Variants in COL26A1 observed in about 807,000 individuals in gnomAD.
COL26A1 encodes collagen alpha-1(XXVI) chain.
Under a neutral mutation model 59.3 loss-of-function variants are expected in COL26A1, and 41 were observed. The observed-to-expected ratio is 0.69, with a 90% CI of 0.54 to 0.90. The LOEUF is 0.90. Among genes scored for constraint, COL26A1 ranks in the 40% least tolerant of loss-of-function variants. The pLI is 0.00. For missense variants in COL26A1, 612 were observed against 602.3 expected (o/e 1.02, Z -0.17); for synonymous variants, 266 against 256.0 (o/e 1.04, Z -0.37).
chr7:101,488,331 C>A (rs1214863630), intron 3 of COL26A1, among the ~76,000 whole-genome samples: 2 of 136,950 alleles, frequency 1.5e-5, no homozygotes, highest in Non-Finnish European at 3.0e-5. Flanking sequence ...ACATTTTAAT[C>A]CGTTTTTAAT....
At chr7:101,381,745 A>G (rs565977048) in intron 1 of COL26A1, among the ~76,000 whole-genome samples, 48 of 152,340 alleles carry the variant, frequency 3.2e-4, no homozygotes, top group African/African-American at 1.1e-3. Context: ...TTAAGTTTCT[A>G]ATGTGTGCTT....
At chr7:101,454,528 G>T (rs1793423405) in intron 3 of COL26A1, among the ~76,000 whole-genome samples, 1 of 151,916 alleles carries the variant, frequency 6.6e-6, no homozygotes, top group Non-Finnish European at 1.5e-5. Context: ...CAAAGTGCTG[G>T]GATTACAGGG....
intron 3 of COL26A1, among the ~76,000 whole-genome samples, chr7:101,528,406 T>C (rs1046601693): frequency 1.3e-5 from 2 of 152,050 alleles, no homozygotes; most frequent in Non-Finnish European, 2.9e-5. Context: ...CTGTCATTTG[T>C]AACTTCCCCA....
At chr7:101,503,242 G>A (rs148277443) in intron 3 of COL26A1, among the ~76,000 whole-genome samples, 107 of 152,254 alleles carry the variant, frequency 7.0e-4, no homozygotes, top group Non-Finnish European at 1.2e-3. Context: ...ACAACAGGAC[G>A]GTCACCACCT....
chr7:101,454,591 A>G (rs1201400735), intron 3 of COL26A1, among the ~76,000 whole-genome samples: 1 of 151,978 alleles, frequency 6.6e-6, no homozygotes, highest in African/African-American at 2.4e-5. Flanking sequence ...TTAGTACCAT[A>G]GTTTTTGCAT....
intron 11 of COL26A1, among the ~76,000 whole-genome samples, chr7:101,555,539 T>C (rs1795953419): frequency 6.6e-6 from 1 of 152,148 alleles, no homozygotes; most frequent in African/African-American, 2.4e-5. Flanking sequence ...TTTGCCAGGC[T>C]GTGTGGCCGT....
At chr7:101,419,424 A>G (rs886252044) in intron 1 of COL26A1, among the ~76,000 whole-genome samples, 1 of 151,798 alleles carries the variant, frequency 6.6e-6, no homozygotes, top group African/African-American at 2.4e-5. Flanking sequence ...GCCACTTCCC[A>G]TTGCAGGCAA....
intron 3 of COL26A1, among the ~76,000 whole-genome samples, chr7:101,479,505 G>C (rs777557833): frequency 3.3e-5 from 5 of 152,142 alleles, no homozygotes; most frequent in Admixed American, 6.6e-5. Flanking sequence ...GGTGTCTTTG[G>C]AGGTAATTCA....
chr7:101,427,228 A>C (rs1034450810), intron 2 of COL26A1, among the ~76,000 whole-genome samples: 4 of 152,154 alleles, frequency 2.6e-5, no homozygotes, highest in African/African-American at 9.7e-5. Flanking sequence ...TGGCTAATTA[A>C]AAAATTTTGT....
intron 3 of COL26A1, among the ~76,000 whole-genome samples, chr7:101,481,554 G>A (rs1186300053): frequency 6.6e-6 from 1 of 151,626 alleles, no homozygotes; most frequent in African/African-American, 2.4e-5. Flanking sequence ...GTGCTCAAGC[G>A]ATCCTCCCTG....
chr7:101,438,918 T>A (rs927038805), intron 2 of COL26A1, among the ~76,000 whole-genome samples: 8 of 152,094 alleles, frequency 5.3e-5, no homozygotes, highest in African/African-American at 1.9e-4. Flanking sequence ...TCCAAGACGA[T>A]CCACCCGTCT....
intron 2 of COL26A1, among the ~76,000 whole-genome samples, chr7:101,434,358 G>A (rs1792863730): frequency 6.6e-6 from 1 of 151,562 alleles, no homozygotes; most frequent in Non-Finnish European, 1.5e-5. Context: ...GTCTCCAGTG[G>A]TCCTCCCATC....
At position 101,525,597 on chromosome 7, in the gene COL26A1, A is replaced by C. The variant is rs553084471; in HGVS notation, c.386-7485A>C. On this transcript the variant is annotated intron_variant, in intron 3 of 12. Transcript: ENST00000313669. ...CTGCAAGCTCCGCCTCCCGGGTTCA[A>C]GCAATTCTCCTGCCTCAGCCTCCTG... Among the ~76,000 whole-genome samples, 26 of 151,526 alleles carry C rather than the reference A, an allele frequency of 1.7e-4. No homozygotes were observed. The East Asian group carries it at 4.5e-3, about 26-fold the overall frequency.
intron 3 of COL26A1, among the ~76,000 whole-genome samples, chr7:101,500,884 T>C (rs1455571669): frequency 6.6e-6 from 1 of 151,390 alleles, no homozygotes; most frequent in Non-Finnish European, 1.5e-5. Context: ...TAAATGAGGT[T>C]GTTAGAAATG....
At chr7:101,401,037 C>T (rs770839988) in intron 1 of COL26A1, among the ~76,000 whole-genome samples, 16 of 152,120 alleles carry the variant, frequency 1.1e-4, no homozygotes, top group Non-Finnish European at 2.1e-4. Flanking sequence ...AGGTGTGTCC[C>T]GTGTGAGGCT....
intron 1 of COL26A1, among the ~76,000 whole-genome samples, chr7:101,380,015 G>A (rs572643796): frequency 6.6e-6 from 1 of 152,066 alleles, no homozygotes; most frequent in African/African-American, 2.4e-5. Context: ...TTTTTGAGAC[G>A]GAGTCTCACT....
intron 2 of COL26A1, among the ~76,000 whole-genome samples, chr7:101,431,966 A>AC (rs1554409824): frequency 7.5e-6 from 1 of 133,604 alleles, no homozygotes; most frequent in Non-Finnish European, 1.6e-5. Flanking sequence ...TAATTTTATA[A>AC]TTTTTTTTTT....
chr7:101,432,953 C>T (rs540451680), intron 2 of COL26A1, among the ~76,000 whole-genome samples: 5 of 152,242 alleles, frequency 3.3e-5, no homozygotes, highest in Admixed American at 6.5e-5. Flanking sequence ...CCACCCGCCT[C>T]GGCCTCCCAA....
At position 101,401,887 on chromosome 7, in the gene COL26A1, G is replaced by A. The variant is rs924017147; in HGVS notation, c.159-18090G>A. Among the ~76,000 whole-genome samples, 8 of 152,232 alleles carry A rather than the reference G, an allele frequency of 5.3e-5. No homozygotes were observed. The East Asian group carries it at 1.5e-3, about 29-fold the overall frequency. On this transcript the variant is annotated intron_variant, in intron 1 of 12. Transcript: ENST00000313669. ...CAGCGGAAAGCTGCAGGATCTGGTG[G>A]TGTCGAAGCCACGTTTCCTCTCTGC...
Sources: gnomAD v4.1 joint callset for allele counts (sites outside exome capture counted in the v4.1 genomes callset) on GRCh38, gnomAD v4.1.1 for gene constraint, MANE v1.5 for transcripts, NCBI Gene and HGNC (gene_info 2026-07-23, HGNC 2026-07-21) for gene names.